DENND1A: variants seen among roughly 807,000 people sequenced by gnomAD.
The protein encoded by DENND1A is DENN domain containing 1A.
Under a neutral mutation model 113.7 loss-of-function variants are expected in DENND1A, and 51 were observed. The observed-to-expected ratio is 0.45, with a 90% CI of 0.36 to 0.57. The LOEUF (loss-of-function observed/expected upper bound fraction) is 0.57. Ranked by LOEUF, DENND1A falls within the 20% of genes least tolerant of loss-of-function variation. DENND1A has a pLI of 0.00. For synonymous variants in DENND1A, 565 were observed against 570.8 expected, an observed-to-expected ratio of 0.99 and a Z score of 0.14; for missense variants, 1,258 against 1,395.9, an observed-to-expected ratio of 0.90 and a Z score of 1.57.
At chr9:123,868,969 C>T (rs1363154610) in intron 2 of DENND1A, among the ~76,000 whole-genome samples, 1 of 152,150 alleles carries the variant, frequency 6.6e-6, no homozygotes, top group African/African-American at 2.4e-5. Flanking sequence ...AAAATGTGAT[C>T]TCAGTAGAGA....
intron 17 of DENND1A, 47 bp downstream of exon 17, chr9:123,452,229 T>A (rs574989215): frequency 6.6e-7 from 1 of 1,524,000 alleles, no homozygotes; most frequent in Non-Finnish European, 9.1e-7. Flanking sequence ...CTCATCATGC[T>A]AAGGGACTGA....
intron 5 of DENND1A, among the ~76,000 whole-genome samples, chr9:123,711,518 T>TATATAC (rs1554970716): frequency 1.2e-5 from 1 of 85,970 alleles, no homozygotes; most frequent in African/African-American, 8.9e-5. Context: ...TATATGTATA[T>TATATAC]ATATATATAT....
intron 5 of DENND1A, among the ~76,000 whole-genome samples, chr9:123,740,899 T>TGAGAGAGAGAGAGAGAGGGAGAGAGAGA (rs2068955980): frequency 9.2e-6 from 1 of 108,870 alleles, no homozygotes; most frequent in African/African-American, 3.7e-5. Context: ...GAAGGGAAAG[T>TGAGAGAGAGAGAGAGAGGGAGAGAGAGA]GAGAGAGAGA....
rs2057490186 is a variant in DENND1A at position 123,557,562 on chromosome 9, C to T, written c.993+8G>A. On this transcript the variant is annotated splice_region_variant and intron_variant, in intron 13 of 23. Coordinates refer to ENST00000394215, the MANE Select transcript of DENND1A (RefSeq NM_001352964.2). Reference sequence around the variant, plus strand: ...ACACAGGCTCTGTGACATGCCAAGGCTACTCACCGGCTCGATTTTCAGAGC... The same window carrying T: ...ACACAGGCTCTGTGACATGCCAAGGTTACTCACCGGCTCGATTTTCAGAGC... The T allele has an allele frequency of 6.2e-7, 1 of 1,613,380 alleles. No individual in the cohort carries two copies. The highest frequency in any genetic ancestry group is 1.1e-5 in the South Asian group (1 of 90,994).
At chr9:123,413,861 G>T in intron 19 of DENND1A, 1 of 985,134 alleles carries the variant, frequency 1.0e-6, no homozygotes, top group Non-Finnish European at 1.2e-6. Context: ...CATTCATCAA[G>T]AGGAAGAGGT....
intron 11 of DENND1A, among the ~76,000 whole-genome samples, chr9:123,585,103 C>T (rs2059100681): frequency 6.6e-6 from 1 of 152,162 alleles, no homozygotes. Flanking sequence ...AAAACACTCC[C>T]AGGCAGCAGA....
chr9:123,460,082 C>G (rs969067246), intron 13 of DENND1A, among the ~76,000 whole-genome samples: 2 of 152,134 alleles, frequency 1.3e-5, no homozygotes, highest in Admixed American at 6.5e-5. Context: ...TATGTGGCAT[C>G]TAAGTTAAGT....
chr9:123,827,996 C>T lies in DENND1A; in HGVS notation c.89-35366G>A, dbSNP rs140168253. 1.8e-3 allele frequency among the ~76,000 whole-genome samples: 279 copies of T among 152,084 alleles called. 8 individuals carry two copies. The East Asian group carries it at 0.046, about 25-fold the overall frequency. ...ACAATTGGCACTCAATAAAAAATTA[C>T]GAAGTAAACAGGGACAAAAGAAAGG... On this transcript the variant is annotated intron_variant, in intron 2 of 23. Transcript: ENST00000394215.
chr9:123,904,312 T>A (rs1259138035), intron 1 of DENND1A, among the ~76,000 whole-genome samples: 3 of 151,560 alleles, frequency 2.0e-5, no homozygotes, highest in Non-Finnish European at 4.4e-5. Context: ...GCAGAGCGTC[T>A]CTCCTCCTCC....
intron 21 of DENND1A, chr9:123,402,471 C>G (rs1322215712): frequency 1.9e-6 from 1 of 534,410 alleles, no homozygotes; most frequent in East Asian, 5.4e-5. Context: ...TGCCATGTCC[C>G]TTACCTTCTT....
chr9:123,388,954 G>A (rs925599370), intron 21 of DENND1A, among the ~76,000 whole-genome samples: 4 of 152,242 alleles, frequency 2.6e-5, no homozygotes, highest in South Asian at 4.1e-4. Context: ...GAAGTCTGGG[G>A]AGAATGTGGG....
intron 8 of DENND1A, among the ~76,000 whole-genome samples, chr9:123,656,842 C>T (rs1234484193): frequency 1.3e-5 from 2 of 152,176 alleles, no homozygotes; most frequent in Non-Finnish European, 2.9e-5. Flanking sequence ...GGACTAGTTC[C>T]CAGTTTCTGT....
intron 12 of DENND1A, among the ~76,000 whole-genome samples, chr9:123,570,363 T>C (rs761850451): frequency 3.3e-5 from 5 of 151,878 alleles, no homozygotes; most frequent in African/African-American, 9.7e-5. Flanking sequence ...AGAGATGAGG[T>C]AGGAGAGATG....
intron 2 of DENND1A, among the ~76,000 whole-genome samples, chr9:123,817,534 A>C (rs1837696622): frequency 1.3e-5 from 2 of 152,198 alleles, no homozygotes; most frequent in Non-Finnish European, 2.9e-5. Flanking sequence ...GAGCCAATGC[A>C]CATGTTAAAT....
chr9:123,788,405 G>C (rs1412492915), intron 3 of DENND1A, among the ~76,000 whole-genome samples: 1 of 152,076 alleles, frequency 6.6e-6, no homozygotes, highest in African/African-American at 2.4e-5. Flanking sequence ...TTTGATGAGA[G>C]TGGTGACCAT....
At chr9:123,929,046 G>C (rs552370714) in intron 1 of DENND1A, among the ~76,000 whole-genome samples, 1 of 152,342 alleles carries the variant, frequency 6.6e-6, no homozygotes, top group Admixed American at 6.5e-5. Context: ...CTGGCTGGGA[G>C]GGGAGATAGA....
chr9:123,383,996 G>A, intron 22 of DENND1A, 83 bp from the exon 23 acceptor site: 1 of 1,532,964 alleles, frequency 6.5e-7, no homozygotes, highest in Non-Finnish European at 8.8e-7. Context: ...GCACATTGAG[G>A]GCTTGAGGGG....
intron 13 of DENND1A, among the ~76,000 whole-genome samples, chr9:123,495,397 A>G (rs2051822903): frequency 6.6e-6 from 1 of 152,148 alleles, no homozygotes; most frequent in East Asian, 1.9e-4. Context: ...TGGACATTCA[A>G]ATGGCCCATG....
chr9:123,632,761 C>T (rs1321297898), intron 9 of DENND1A, among the ~76,000 whole-genome samples: 1 of 152,154 alleles, frequency 6.6e-6, no homozygotes, highest in Non-Finnish European at 1.5e-5. Context: ...TCATGTACTC[C>T]TTTTCCTCCC....
Sources: gnomAD v4.1 joint callset for allele counts (sites outside exome capture counted in the v4.1 genomes callset) on GRCh38, gnomAD v4.1.1 for gene constraint, MANE v1.5 for transcripts, NCBI Gene and HGNC (gene_info 2026-07-23, HGNC 2026-07-21) for gene names.